Variants in GATA4 observed in about 807,000 individuals in gnomAD.
GATA4 encodes the protein transcription factor GATA-4.
In GATA4, 7 loss-of-function variants were observed where a neutral mutation model predicts 37.9. That is an observed-to-expected ratio of 0.18 (90% CI 0.11 to 0.35). The LOEUF (loss-of-function observed/expected upper bound fraction) is 0.35. Among genes scored for constraint, GATA4 ranks in the 10% least tolerant of loss-of-function variants. GATA4 has a pLI of 1.00. For synonymous variants in GATA4, 372 were observed against 292.6 expected, an observed-to-expected ratio of 1.27 and a Z score of -2.77; for missense variants, 647 against 653.0, an observed-to-expected ratio of 0.99 and a Z score of 0.10.
intron 1 of GATA4, among the ~76,000 whole-genome samples, chr8:11,698,723 G>T (rs1426075071): frequency 6.6e-6 from 1 of 152,138 alleles, no homozygotes; most frequent in East Asian, 1.9e-4. Context: ...TAAGCATCTG[G>T]CCAGGTTCCC....
rs377765328 is a variant in GATA4, at chr8:11,732,076, C to T, written c.617-16840C>T. 1.2e-4 allele frequency among the ~76,000 whole-genome samples: 18 copies of T among 152,198 alleles called. No homozygotes were observed. In the East Asian group the frequency reaches 1.3e-3, roughly 11 times the overall value. ...GTACTACAAGCAACCGAGTTTTGAT[C>T]TGCAAATCTATCATATTTATAATCT... is the stretch of plus-strand genomic sequence containing the variant. On this transcript the variant is annotated intron_variant, in intron 2 of 6. Transcript: ENST00000532059.
intron 2 of GATA4, among the ~76,000 whole-genome samples, chr8:11,735,656 G>A (rs1801418269): frequency 6.6e-6 from 1 of 152,070 alleles, no homozygotes; most frequent in Non-Finnish European, 1.5e-5. Flanking sequence ...TCCTCCTTCC[G>A]GGTTCAAGCG....
At chr8:11,734,530 A>G (rs1801358621) in intron 2 of GATA4, among the ~76,000 whole-genome samples, 1 of 152,130 alleles carries the variant, frequency 6.6e-6, no homozygotes, top group Non-Finnish European at 1.5e-5. Context: ...CTTGTTGCCC[A>G]GGCTGGAATG....
intron 2 of GATA4, among the ~76,000 whole-genome samples, chr8:11,716,879 T>C (rs1328709672): frequency 6.6e-6 from 1 of 152,264 alleles, no homozygotes; most frequent in South Asian, 2.1e-4. Flanking sequence ...TGTAGCTGCT[T>C]GTGTCTGCAT....
chr8:11,716,104 A>G (rs1326033154), intron 2 of GATA4, among the ~76,000 whole-genome samples: 1 of 152,232 alleles, frequency 6.6e-6, no homozygotes, highest in Middle Eastern at 3.4e-3. Context: ...CGTTTTGTTT[A>G]TCCATTCATC....
chr8:11,695,534 C>T (rs777081947), intron 1 of GATA4, among the ~76,000 whole-genome samples: 15 of 152,192 alleles, frequency 9.9e-5, no homozygotes, highest in East Asian at 3.8e-4. Context: ...TACAGTCCTA[C>T]GCTCAAGGGG....
intron 2 of GATA4, among the ~76,000 whole-genome samples, chr8:11,711,747 CAAAAAAAAA>C (rs71205018): frequency 3.5e-5 from 2 of 56,864 alleles, no homozygotes; most frequent in African/African-American, 1.4e-4. Context: ...GACCCTCTCT[CAAAAAAAAA>C]AAAAAAAAAA....
At chr8:11,681,341 C>G in intron 1 of GATA4, 1 of 985,436 alleles carries the variant, frequency 1.0e-6, no homozygotes, top group South Asian at 4.7e-5. Flanking sequence ...CCCAACCCAT[C>G]AAATTTCCAG....
intron 1 of GATA4, among the ~76,000 whole-genome samples, chr8:11,693,560 C>G (rs113492723): frequency 0.093 from 6,236 of 67,396 alleles, 173 homozygotes; most frequent in Middle Eastern, 0.13. Flanking sequence ...CACACACACA[C>G]ACAGAGAGAG....
At chr8:11,751,425 A>G (rs1002370063) in intron 4 of GATA4, among the ~76,000 whole-genome samples, 1 of 152,354 alleles carries the variant, frequency 6.6e-6, no homozygotes, top group Middle Eastern at 3.4e-3. Context: ...GTATGCATAT[A>G]TACGTACATG....
At chr8:11,751,920 A>G (rs549045305) in intron 4 of GATA4, among the ~76,000 whole-genome samples, 1 of 152,352 alleles carries the variant, frequency 6.6e-6, no homozygotes, top group South Asian at 2.1e-4. Context: ...ACACCATTAT[A>G]TCTGGCAGGT....
chr8:11,699,544 T>C (rs1799603183), upstream of GATA4, among the ~76,000 whole-genome samples: 1 of 152,172 alleles, frequency 6.6e-6, no homozygotes, highest in Non-Finnish European at 1.5e-5. Flanking sequence ...TCCAGGTCCT[T>C]GGATGGGGAG....
intron 1 of GATA4, among the ~76,000 whole-genome samples, chr8:11,677,270 A>C (rs1431617156): frequency 6.6e-6 from 1 of 152,110 alleles, no homozygotes; most frequent in Non-Finnish European, 1.5e-5. Flanking sequence ...GACAGGAAGG[A>C]AGGATGAGGC....
intron 1 of GATA4, among the ~76,000 whole-genome samples, chr8:11,695,996 G>A (rs1442224879): frequency 1.3e-5 from 2 of 152,182 alleles, no homozygotes; most frequent in East Asian, 3.8e-4. Context: ...TTTTAGATGG[G>A]AGTCAAACGT....
intron 5 of GATA4, among the ~76,000 whole-genome samples, chr8:11,755,919 A>T (rs11987347): frequency 0.035 from 5,219 of 151,124 alleles, 266 homozygotes; most frequent in African/African-American, 0.12. Context: ...TAAAAAAAAA[A>T]AAAAGAAATA....
chr8:11,694,608 G>A, intron 1 of GATA4: 1 of 676,180 alleles, frequency 1.5e-6, no homozygotes, highest in Non-Finnish European at 1.8e-6. Context: ...TTCCTAAGAG[G>A]AAACACAATA....
intron 2 of GATA4, among the ~76,000 whole-genome samples, chr8:11,736,177 T>C (rs1366767408): frequency 6.6e-6 from 1 of 152,224 alleles, no homozygotes; most frequent in Non-Finnish European, 1.5e-5. Context: ...AGGGCTGGGA[T>C]TACAGGCCAG....
intron 1 of GATA4, chr8:11,680,620 C>G (rs1006958988): frequency 1.0e-6 from 1 of 985,378 alleles, no homozygotes; most frequent in East Asian, 1.1e-4. Context: ...GGTGGCGTGA[C>G]CTCTTGCCAC....
exon 1 of GATA4, chr8:11,692,635 T>C: frequency 1.0e-6 from 1 of 984,642 alleles, no homozygotes; most frequent in Middle Eastern, 5.2e-4. Context: ...CCGCGGCCTC[T>C]GCGCCTCAGC....
Sources: allele counts gnomAD v4.1 joint callset (sites outside exome capture counted in the v4.1 genomes callset), GRCh38; gene constraint gnomAD v4.1.1; transcripts MANE v1.5; gene names NCBI Gene and HGNC (gene_info 2026-07-23, HGNC 2026-07-21).